The following ARHGAP26 variants were observed in gnomAD, a reference collection of about 807,000 sequenced individuals.
ARHGAP26 encodes the protein Rho GTPase activating protein 26.
In ARHGAP26, 38 loss-of-function variants were observed where a neutral mutation model predicts 104.8. The ratio of observed to expected loss-of-function variants is 0.36; its 90% CI spans 0.28 to 0.48. ARHGAP26 has a LOEUF of 0.48. Ranked by LOEUF, ARHGAP26 falls within the 20% of genes least tolerant of loss-of-function variation. The pLI is 0.99. For missense variants in ARHGAP26, 704 were observed against 947.9 expected (o/e 0.74, Z 3.38); for synonymous variants, 341 against 340.0 (o/e 1.00, Z -0.03).
At chr5:143,138,552 A>G (rs752101434) in intron 19 of ARHGAP26, among the ~76,000 whole-genome samples, 11 of 152,218 alleles carry the variant, frequency 7.2e-5, no homozygotes, top group Admixed American at 1.3e-4. Flanking sequence ...GAAGGGTCCC[A>G]TTCTGGCCCA....
chr5:143,163,461 G>GT (rs200216351), intron 20 of ARHGAP26, among the ~76,000 whole-genome samples: 2 of 148,616 alleles, frequency 1.3e-5, no homozygotes, highest in Non-Finnish European at 3.0e-5. Flanking sequence ...TTGTTTGTTT[G>GT]TTTTTTTAAG....
chr5:142,847,506 C>A (rs1440663405), intron 1 of ARHGAP26, among the ~76,000 whole-genome samples: 1 of 152,030 alleles, frequency 6.6e-6, no homozygotes, highest in Non-Finnish European at 1.5e-5. Flanking sequence ...TACAGGCATG[C>A]GCCACCATGC....
At chr5:143,116,340 A>G (rs1795438179) in intron 17 of ARHGAP26, among the ~76,000 whole-genome samples, 1 of 152,224 alleles carries the variant, frequency 6.6e-6, no homozygotes, top group Non-Finnish European at 1.5e-5. Flanking sequence ...CCACCCATCC[A>G]ACCCATGGTA....
intron 20 of ARHGAP26, among the ~76,000 whole-genome samples, chr5:143,156,838 T>G (rs1234398882): frequency 6.6e-6 from 1 of 152,238 alleles, no homozygotes; most frequent in Non-Finnish European, 1.5e-5. Flanking sequence ...CACAGGAACC[T>G]ATTAGCTCAC....
chr5:142,777,448 A>G (rs1026379654), intron 1 of ARHGAP26, among the ~76,000 whole-genome samples: 1 of 152,238 alleles, frequency 6.6e-6, no homozygotes, highest in Admixed American at 6.5e-5. Context: ...GCAAGTTGTA[A>G]AGGGGACTTT....
chr5:143,141,746 A>G (rs147992284), intron 19 of ARHGAP26, among the ~76,000 whole-genome samples: 1 of 152,346 alleles, frequency 6.6e-6, no homozygotes, highest in African/African-American at 2.4e-5. Flanking sequence ...CACATAGAAA[A>G]GAGGGCTGTC....
chr5:143,005,222 C>T (rs1777773152), intron 11 of ARHGAP26, among the ~76,000 whole-genome samples: 1 of 152,198 alleles, frequency 6.6e-6, no homozygotes, highest in Admixed American at 6.5e-5. Flanking sequence ...TCAAATGATA[C>T]CATCAGAATC....
chr5:143,140,178 TGA>T (rs1798348571), intron 19 of ARHGAP26, among the ~76,000 whole-genome samples: 1 of 152,192 alleles, frequency 6.6e-6, no homozygotes, highest in Non-Finnish European at 1.5e-5. Context: ...CTAGTGATAC[TGA>T]TGCTAACTCA....
At chr5:142,810,068 A>G (rs1763767455) in intron 1 of ARHGAP26, among the ~76,000 whole-genome samples, 1 of 152,120 alleles carries the variant, frequency 6.6e-6, no homozygotes, top group Non-Finnish European at 1.5e-5. Context: ...AGCACAACTC[A>G]CCCTTAGCTG....
intron 1 of ARHGAP26, among the ~76,000 whole-genome samples, chr5:142,836,236 G>C (rs955084182): frequency 2.6e-5 from 4 of 152,166 alleles, no homozygotes; most frequent in African/African-American, 9.7e-5. Flanking sequence ...ATCTCTCTGG[G>C]GTTTTGGCTT....
chr5:143,189,072 C>T (rs1353376354), intron 20 of ARHGAP26, among the ~76,000 whole-genome samples: 1 of 152,214 alleles, frequency 6.6e-6, no homozygotes, highest in African/African-American at 2.4e-5. Context: ...TACCAAGAAA[C>T]AATTTCTTGC....
chr5:142,787,953 G>T (rs1259320050), intron 1 of ARHGAP26, among the ~76,000 whole-genome samples: 1 of 150,966 alleles, frequency 6.6e-6, no homozygotes, highest in African/African-American at 2.4e-5. Flanking sequence ...TGGATGGTTA[G>T]GTTGTATCTC....
chr5:143,111,924 G>A (rs1459640325), intron 17 of ARHGAP26, among the ~76,000 whole-genome samples: 2 of 152,188 alleles, frequency 1.3e-5, no homozygotes, highest in East Asian at 1.9e-4. Flanking sequence ...AGTAGGTGAC[G>A]TGTTTAACCC....
chr5:142,875,554 T>A (rs1755966382), intron 3 of ARHGAP26, among the ~76,000 whole-genome samples: 1 of 152,136 alleles, frequency 6.6e-6, no homozygotes, highest in Non-Finnish European at 1.5e-5. Context: ...CAAGAGCTCT[T>A]TGAGGGCAGG....
chr5:142,874,214 G>A (rs1293112682), intron 2 of ARHGAP26, among the ~76,000 whole-genome samples: 3 of 152,224 alleles, frequency 2.0e-5, no homozygotes, highest in African/African-American at 4.8e-5. Context: ...GCCTTGGTCT[G>A]TAGGCAGCCG....
In ARHGAP26 at chr5:143,207,535, G is replaced by C. The variant is rs1015196583; in HGVS notation, c.2099+227G>C. On this transcript the variant is annotated intron_variant, in intron 21 of 22. Transcript: ENST00000645722. ...ATCCAAAGCTGGCCAGGGACAACAG[G>C]GGGCTGCCCCTGCTCTCCTGTGGTT... 2.0e-5 allele frequency: 31 copies of C among 1,583,234 alleles called. No homozygotes were observed. The Admixed American group carries it at 5.3e-4, about 27-fold the overall frequency.
chr5:143,057,952 A>T (rs968785036), intron 17 of ARHGAP26: 2 of 688,010 alleles, frequency 2.9e-6, no homozygotes, highest in Non-Finnish European at 5.4e-6. Flanking sequence ...GATGCTGGGG[A>T]AGTGCTCATG....
intron 9 of ARHGAP26, among the ~76,000 whole-genome samples, chr5:142,909,661 A>G (rs1172212259): frequency 6.6e-6 from 1 of 152,262 alleles, no homozygotes; most frequent in Non-Finnish European, 1.5e-5. Context: ...TTAAAATGTC[A>G]TAACAGAGAA....
At chr5:143,208,450 A>C (rs2151361694) in intron 21 of ARHGAP26, among the ~76,000 whole-genome samples, 1 of 152,308 alleles carries the variant, frequency 6.6e-6, no homozygotes, top group Middle Eastern at 3.4e-3. Context: ...AGAAAAGAAA[A>C]CCCCATGCTA....
Sources: gnomAD v4.1 joint callset for allele counts (sites outside exome capture counted in the v4.1 genomes callset) on GRCh38, gnomAD v4.1.1 for gene constraint, MANE v1.5 for transcripts, NCBI Gene and HGNC (gene_info 2026-07-23, HGNC 2026-07-21) for gene names.